Variants in PIP4K2A observed in about 807,000 individuals in gnomAD.
The protein encoded by PIP4K2A is phosphatidylinositol-5-phosphate 4-kinase type 2 alpha.
Under a neutral mutation model 42.9 loss-of-function variants are expected in PIP4K2A, and 14 were observed. The ratio of observed to expected loss-of-function variants is 0.33; its 90% CI spans 0.22 to 0.51. The LOEUF is 0.51. Ranked by LOEUF, PIP4K2A falls within the 20% of genes least tolerant of loss-of-function variation. The pLI is 0.97. For synonymous variants in PIP4K2A, 192 were observed against 192.2 expected, an observed-to-expected ratio of 1.00 and a Z score of 0.01; for missense variants, 434 against 519.8, an observed-to-expected ratio of 0.83 and a Z score of 1.61.
chr10:22,678,295 C>G (rs77733391), intron 1 of PIP4K2A, among the ~76,000 whole-genome samples: 10 of 152,054 alleles, frequency 6.6e-5, no homozygotes, highest in African/African-American at 2.2e-4. Flanking sequence ...CCAGCAGATA[C>G]GGCACCACAC....
chr10:22,605,585 A>G (rs1837888823), intron 3 of PIP4K2A, among the ~76,000 whole-genome samples: 3 of 152,242 alleles, frequency 2.0e-5, no homozygotes, highest in Admixed American at 2.0e-4. Flanking sequence ...TTTGGATCTC[A>G]TTTGACAGAA....
At chr10:22,589,622 T>C (rs997078468) in intron 4 of PIP4K2A, among the ~76,000 whole-genome samples, 1 of 152,190 alleles carries the variant, frequency 6.6e-6, no homozygotes, top group South Asian at 2.1e-4. Context: ...ATTGGAAGAA[T>C]AAGCAACTGC....
intron 1 of PIP4K2A, among the ~76,000 whole-genome samples, chr10:22,666,794 A>G (rs1839361319): frequency 2.0e-5 from 3 of 152,170 alleles, no homozygotes; most frequent in African/African-American, 7.2e-5. Context: ...TGCTCCCCGA[A>G]CGTACATTTT....
chr10:22,686,043 C>A (rs1032444295), intron 1 of PIP4K2A, among the ~76,000 whole-genome samples: 5 of 152,184 alleles, frequency 3.3e-5, no homozygotes, highest in Non-Finnish European at 7.3e-5. Context: ...TAATACTGGG[C>A]GTGTCAAGAT....
At chr10:22,604,842 T>G (rs929107849) in intron 3 of PIP4K2A, among the ~76,000 whole-genome samples, 4 of 152,184 alleles carry the variant, frequency 2.6e-5, no homozygotes, top group African/African-American at 9.7e-5. Flanking sequence ...TTACTTGAAC[T>G]GGGCATGAGG....
At chr10:22,664,641 A>C (rs536147722) in intron 1 of PIP4K2A, among the ~76,000 whole-genome samples, 10 of 152,240 alleles carry the variant, frequency 6.6e-5, no homozygotes, top group African/African-American at 2.2e-4. Context: ...TTTAAACAAA[A>C]ATTCTACAAT....
intron 1 of PIP4K2A, among the ~76,000 whole-genome samples, chr10:22,625,967 G>A (rs552364298): frequency 1.3e-5 from 2 of 152,218 alleles, no homozygotes; most frequent in South Asian, 4.1e-4. Context: ...ATAAAGGCCT[G>A]TGCTTACACC....
In PIP4K2A at chr10:22,585,118, C is replaced by T. The variant is rs542848311; in HGVS notation, c.492+6511G>A. ...TCTCTTTTGGTGCTATAACCCTCTC[C>T]ACTCTTTTTTGTATTTAGCTTTTAT... is the stretch of plus-strand genomic sequence containing the variant. On this transcript the variant is annotated intron_variant, in intron 4 of 9. Coordinates refer to ENST00000376573, the MANE Select transcript of PIP4K2A (RefSeq NM_005028.5). Among the ~76,000 whole-genome samples, 97 of 152,300 alleles carry T rather than the reference C, an allele frequency of 6.4e-4. No homozygotes were observed. In the South Asian group the frequency reaches 0.012, roughly 20 times the overall value.
intron 2 of PIP4K2A, 152 bp downstream of exon 2, chr10:22,609,468 A>G: frequency 1.6e-6 from 1 of 631,034 alleles, no homozygotes; most frequent in Non-Finnish European, 2.8e-6. Context: ...TTGCTTCTCT[A>G]AAAATGACAG....
Position 22,537,121 on chromosome 10 carries a change from G to T in PIP4K2A, c.*80C>A. 9.5e-7 allele frequency: 1 copy of T among 1,058,124 alleles called. No individual in the cohort carries two copies. Among genetic ancestry groups the T allele is most frequent in the South Asian group, 1.4e-5 (1 of 71,916 alleles). The allele number at this position is 1,058,124 out of a possible 1,614,324, so 65.5% of individuals were successfully genotyped here. ...CTTCCTGCAAGATGAGTACTTCACT[G>T]AGTTTGGTTTTCATTTTTCCTACAC... On this transcript the variant is annotated 3_prime_UTR_variant, in exon 10 of 10. Transcript: ENST00000376573.
intron 1 of PIP4K2A, among the ~76,000 whole-genome samples, chr10:22,667,742 A>AG (rs1261169722): frequency 6.6e-6 from 1 of 152,186 alleles, no homozygotes; most frequent in African/African-American, 2.4e-5. Flanking sequence ...TTGTAAAAAG[A>AG]GGATTTTGAA....
At chr10:22,687,462 T>C (rs1411997634) in intron 1 of PIP4K2A, among the ~76,000 whole-genome samples, 1 of 152,028 alleles carries the variant, frequency 6.6e-6, no homozygotes, top group Non-Finnish European at 1.5e-5. Flanking sequence ...ACCTCATGTA[T>C]TAACATGAGG....
At chr10:22,645,037 G>A (rs1255668016) in intron 1 of PIP4K2A, among the ~76,000 whole-genome samples, 1 of 152,184 alleles carries the variant, frequency 6.6e-6, no homozygotes, top group Non-Finnish European at 1.5e-5. Context: ...TACTAAAAGA[G>A]CAAAGAAATA....
At chr10:22,675,159 G>A (rs1289497706) in intron 1 of PIP4K2A, among the ~76,000 whole-genome samples, 2 of 152,090 alleles carry the variant, frequency 1.3e-5, no homozygotes, top group Non-Finnish European at 2.9e-5. Flanking sequence ...AATGTTGATT[G>A]GTACATTGAC....
At chr10:22,564,638 G>A (rs1326130062) in intron 6 of PIP4K2A, among the ~76,000 whole-genome samples, 1 of 152,244 alleles carries the variant, frequency 6.6e-6, no homozygotes, top group Non-Finnish European at 1.5e-5. Flanking sequence ...TGGCAGCATG[G>A]AAGTCGACAG....
chr10:22,628,427 T>C (rs368053048), intron 1 of PIP4K2A, among the ~76,000 whole-genome samples: 18 of 152,208 alleles, frequency 1.2e-4, no homozygotes, highest in African/African-American at 3.6e-4. Context: ...ATGCTTTAAA[T>C]TGTTGCTGTA....
rs1837891363 is a variant in PIP4K2A at position 22,605,704 on chromosome 10, G to T, written c.339+2223C>A. On this transcript the variant is annotated intron_variant, in intron 3 of 9. Coordinates refer to ENST00000376573, the MANE Select transcript of PIP4K2A (RefSeq NM_005028.5). ...AAAAGTCAGTTTCTGTGAAATGCCA[G>T]TGGAATTGTTTTATTAAAACAAAAC... Among the ~76,000 whole-genome samples the T allele has an allele frequency of 3.9e-5, 6 of 152,208 alleles. No individual in the cohort carries two copies. In the South Asian group the frequency reaches 1.2e-3, roughly 32 times the overall value.
intron 8 of PIP4K2A, 71 bp downstream of exon 8, chr10:22,541,733 T>A: frequency 3.4e-6 from 5 of 1,482,322 alleles, no homozygotes; most frequent in Non-Finnish European, 4.5e-6. Context: ...GGGGTAGTGC[T>A]TACTGGTAGA....
intron 1 of PIP4K2A, among the ~76,000 whole-genome samples, chr10:22,617,583 C>A (rs765343032): frequency 6.6e-6 from 1 of 152,204 alleles, no homozygotes; most frequent in African/African-American, 2.4e-5. Context: ...AAGCCTCTCA[C>A]ATGTAGAGGA....
Sources: gnomAD v4.1 joint callset for allele counts (sites outside exome capture counted in the v4.1 genomes callset) on GRCh38, gnomAD v4.1.1 for gene constraint, MANE v1.5 for transcripts, NCBI Gene and HGNC (gene_info 2026-07-23, HGNC 2026-07-21) for gene names.